Variants in USO1 observed in about 807,000 individuals in gnomAD.
The protein encoded by USO1 is general vesicular transport factor p115.
USO1 carries 57 observed loss-of-function variants against 124.5 expected under a neutral mutation model. That is an observed-to-expected ratio of 0.46 (90% CI 0.37 to 0.57). The LOEUF (loss-of-function observed/expected upper bound fraction) is 0.57. Ranked by LOEUF, USO1 falls within the 20% of genes least tolerant of loss-of-function variation. The pLI, the probability that USO1 is intolerant of heterozygous loss-of-function variation, is 0.00. For synonymous variants in USO1, 369 were observed against 362.8 expected (o/e 1.02, Z -0.19); for missense variants, 900 against 1,040.6 (o/e 0.86, Z 1.86).
chr4:75,749,580 G>C (rs1721239080), intron 1 of USO1, among the ~76,000 whole-genome samples: 1 of 150,614 alleles, frequency 6.6e-6, no homozygotes, highest in African/African-American at 2.4e-5. Flanking sequence ...TTTATTTTTT[G>C]TAGAGACATG....
chr4:75,762,906 C>T (rs944286742), intron 4 of USO1, among the ~76,000 whole-genome samples: 6 of 152,114 alleles, frequency 3.9e-5, no homozygotes, highest in African/African-American at 9.7e-5. Context: ...CCAGACTGGG[C>T]GACAGTGCGA....
In USO1 at chr4:75,752,391, A is replaced by C. The variant is rs1721317398; in HGVS notation, c.85A>C (p.Arg29=). ...EAETIQKLCD[R]VASSTLLDDR... is the part of the protein sequence containing the mutation. ...ATGACAGATTCAAAAGCTTTGTGAC[A>C]GAGTAGCTTCATCTACTTTATTGGA... The change falls in exon 2 of 24, where the codon AGA becomes CGA. Residue 29 remains arginine (R), a synonymous_variant. Coordinates refer to ENST00000514213, the MANE Select transcript of USO1 (RefSeq NM_003715.4). 1 of 398,228 alleles carries C rather than the reference A, an allele frequency of 2.5e-6. No homozygotes were observed. The highest frequency in any genetic ancestry group is 4.4e-6 in the Non-Finnish European group (1 of 225,988). 24.7% of individuals were successfully genotyped at this position (398,228 alleles called of 1,614,324 possible). A position where few individuals can be genotyped will look rare whatever the true frequency, so the allele number is the denominator to read the frequency against.
At chr4:75,752,197 T>A (rs1225673412) in intron 1 of USO1, among the ~76,000 whole-genome samples, 176 bp from the exon 2 acceptor site, 1 of 152,170 alleles carries the variant, frequency 6.6e-6, no homozygotes, top group Non-Finnish European at 1.5e-5. Context: ...GCAAAACTAT[T>A]TGATCTCTGT....
At chr4:75,764,165 T>C (rs1265220140) in intron 4 of USO1, among the ~76,000 whole-genome samples, 1 of 152,206 alleles carries the variant, frequency 6.6e-6, no homozygotes, top group East Asian at 1.9e-4. Context: ...TATTATACAA[T>C]ATAGCTACAG....
At chr4:75,774,867 A>T in intron 8 of USO1, 71 bp downstream of exon 8, 3 of 1,483,110 alleles carry the variant, frequency 2.0e-6, no homozygotes, top group Non-Finnish European at 2.7e-6. Flanking sequence ...TAGGGAATAC[A>T]GTTGGAGGGA....
At chr4:75,724,984 G>A (rs1560428980) in intron 1 of USO1, 99 bp downstream of exon 1, 1 of 1,366,570 alleles carries the variant, frequency 7.3e-7, no homozygotes, top group Non-Finnish European at 1.0e-6. Context: ...GTCCCACCAT[G>A]GAGGGGGCAT....
chr4:75,779,854 A>G (rs958911918), intron 8 of USO1, among the ~76,000 whole-genome samples: 1 of 152,228 alleles, frequency 6.6e-6, no homozygotes, highest in Non-Finnish European at 1.5e-5. Flanking sequence ...ACAGCCTTCT[A>G]TTGGAAGAAG....
chr4:75,749,711 G>A (rs537674615), intron 1 of USO1, among the ~76,000 whole-genome samples: 5 of 149,496 alleles, frequency 3.3e-5, no homozygotes, highest in South Asian at 2.1e-4. Context: ...ATACTAATTG[G>A]CCGAGCTAGA....
chr4:75,810,162 C>A (rs534333232), intron 21 of USO1, among the ~76,000 whole-genome samples: 2 of 152,290 alleles, frequency 1.3e-5, no homozygotes, highest in Admixed American at 6.5e-5. Context: ...TACATTAGAG[C>A]TGCCTTGCTG....
At chr4:75,778,098 A>G (rs554799454) in intron 8 of USO1, among the ~76,000 whole-genome samples, 7 of 152,174 alleles carry the variant, frequency 4.6e-5, no homozygotes, top group Non-Finnish European at 1.0e-4. Context: ...GCTACATAAT[A>G]TATTATTCCA....
intron 17 of USO1, among the ~76,000 whole-genome samples, chr4:75,803,380 G>A (rs186987971): frequency 2.1e-4 from 32 of 151,882 alleles, no homozygotes; most frequent in Non-Finnish European, 4.0e-4. Context: ...GGGCACGGTG[G>A]CTCACGCCTG....
At position 75,725,711 on chromosome 4, in the gene USO1, T is replaced by C. The variant is rs116428595; in HGVS notation, c.66+826T>C. Among the ~76,000 whole-genome samples the C allele has an allele frequency of 4.3e-3, 662 of 152,338 alleles. 5 individuals carry two copies. The highest frequency in any genetic ancestry group is 0.015 in the African/African-American group (617 of 41,580). Reference sequence around the variant, plus strand: ...TACACTTATTTTGAAGTTTGGTTAGTGTTTAATGGAATCGAGGGTGTATGC... The same window carrying C: ...TACACTTATTTTGAAGTTTGGTTAGCGTTTAATGGAATCGAGGGTGTATGC... On this transcript the variant is annotated intron_variant, in intron 1 of 23. Transcript: ENST00000514213.
intron 13 of USO1, among the ~76,000 whole-genome samples, chr4:75,797,386 T>C (rs1273122358): frequency 1.3e-5 from 2 of 151,938 alleles, no homozygotes; most frequent in African/African-American, 4.8e-5. Flanking sequence ...CTTTTTCATA[T>C]ATTAAATTCT....
At chr4:75,799,039 CTTGA>C (rs550367553) in intron 13 of USO1, among the ~76,000 whole-genome samples, 3 of 151,980 alleles carry the variant, frequency 2.0e-5, no homozygotes, top group Non-Finnish European at 4.4e-5. Context: ...AAATCTTCCT[CTTGA>C]TTATGTTTGT....
chr4:75,733,671 TG>T (rs1382473192), intron 1 of USO1, among the ~76,000 whole-genome samples: 1 of 152,180 alleles, frequency 6.6e-6, no homozygotes, highest in African/African-American at 2.4e-5. Flanking sequence ...TAAGAGTTTT[TG>T]GTTTTTGCCT....
At chr4:75,800,838 AATT>A in intron 16 of USO1, 39 bp downstream of exon 16, 1 of 1,577,046 alleles carries the variant, frequency 6.3e-7, no homozygotes, top group South Asian at 1.2e-5. Context: ...GATGGAAAGT[AATT>A]ATATTTATAT....
chr4:75,759,454 C>T (rs547616911), intron 4 of USO1, among the ~76,000 whole-genome samples: 15 of 151,040 alleles, frequency 9.9e-5, no homozygotes, highest in Middle Eastern at 6.8e-3. Flanking sequence ...ATTAGCTGGG[C>T]GTGGTCGCAC....
rs1721580758 is a variant in USO1 at position 75,760,708 on chromosome 4, A to G, written c.295+3135A>G. ...GTTTCTTCTGGCTGGTAAAAAAAAAATCTGAAATTTGTTTTACTATATAAG... is the reference window on the plus strand; with the variant it reads ...GTTTCTTCTGGCTGGTAAAAAAAAAGTCTGAAATTTGTTTTACTATATAAG... On this transcript the variant is annotated intron_variant, in intron 4 of 23. Transcript: ENST00000514213. 4 of 392,512 alleles carry G rather than the reference A, an allele frequency of 1.0e-5. No individual in the cohort carries two copies. The Admixed American group carries it at 1.8e-4, about 17-fold the overall frequency. 24.3% of individuals were successfully genotyped at this position (392,512 alleles called of 1,614,324 possible).
intron 8 of USO1, among the ~76,000 whole-genome samples, chr4:75,777,765 TTAGAAA>T (rs1159517186): frequency 6.6e-6 from 1 of 152,216 alleles, no homozygotes; most frequent in Admixed American, 6.5e-5. Context: ...TACAACTACT[TTAGAAA>T]ACAGTTTGGT....
Sources: gnomAD v4.1 joint callset for allele counts (sites outside exome capture counted in the v4.1 genomes callset) on GRCh38, gnomAD v4.1.1 for gene constraint, MANE v1.5 for transcripts, NCBI Gene and HGNC (gene_info 2026-07-23, HGNC 2026-07-21) for gene names.